Variants in NFIB observed in about 807,000 individuals in gnomAD.
NFIB encodes the protein nuclear factor I B, also known as nuclear factor 1 B-type.
A neutral mutation model predicts 61.5 loss-of-function variants in NFIB; 11 were observed. The ratio of observed to expected loss-of-function variants is 0.18; its 90% CI spans 0.11 to 0.30. The LOEUF (loss-of-function observed/expected upper bound fraction) is 0.30, where lower values mean the gene tolerates loss of function less well. Ranked by LOEUF, NFIB falls within the 10% of genes least tolerant of loss-of-function variation. The pLI, the probability that NFIB is intolerant of heterozygous loss-of-function variation, is 1.00. For synonymous variants in NFIB, 260 were observed against 216.5 expected (o/e 1.20, Z -1.76); for missense variants, 471 against 608.9 (o/e 0.77, Z 2.38).
At chr9:14,116,747 A>G (rs2038207142) in intron 8 of NFIB, among the ~76,000 whole-genome samples, 1 of 152,262 alleles carries the variant, frequency 6.6e-6, no homozygotes, top group African/African-American at 2.4e-5. Context: ...TTCATTTTCT[A>G]TAATGAGTCA....
intron 6 of NFIB, among the ~76,000 whole-genome samples, chr9:14,130,255 CT>C (rs781049183): frequency 6.6e-5 from 10 of 152,126 alleles, no homozygotes; most frequent in Non-Finnish European, 1.2e-4. Context: ...TTAAATAGCT[CT>C]TTTTCTTTGT....
chr9:14,204,239 C>G, intron 2 of NFIB: 1 of 587,442 alleles, frequency 1.7e-6, no homozygotes, highest in Non-Finnish European at 3.0e-6. Context: ...CCGCCGTCCA[C>G]TGCCCAAGAT....
intron 1 of NFIB, among the ~76,000 whole-genome samples, chr9:14,392,139 G>C (rs1235025840): frequency 6.6e-6 from 1 of 152,136 alleles, no homozygotes; most frequent in Non-Finnish European, 1.5e-5. Context: ...AACAAGGAAA[G>C]TCTGAGAAAC....
At chr9:14,398,788 A>G in exon 1 of NFIB, 1 of 564,554 alleles carries the variant, frequency 1.8e-6, no homozygotes, top group South Asian at 2.3e-5. Flanking sequence ...TGACTGATGG[A>G]TCTTTATGGA....
chr9:14,428,853 T>C, the NFIB span, among the ~76,000 whole-genome samples: 1 of 152,086 alleles, frequency 6.6e-6, no homozygotes, highest in Non-Finnish European at 1.5e-5. Flanking sequence ...TCTGGTAAGA[T>C]TAGGATACTG....
At chr9:14,314,302 C>G, upstream of NFIB, 1 of 306,788 alleles carries the variant, frequency 3.3e-6, no homozygotes, top group Non-Finnish European at 4.8e-6. Context: ...CGCCGCCGCC[C>G]GCGCCGGGTC....
the NFIB span, among the ~76,000 whole-genome samples, chr9:14,420,607 C>T: frequency 1.3e-5 from 2 of 151,982 alleles, no homozygotes; most frequent in African/African-American, 4.8e-5. Flanking sequence ...ATTGCATGAC[C>T]TCTTCATGGC....
intron 2 of NFIB, among the ~76,000 whole-genome samples, chr9:14,268,120 CAAAA>C (rs60610470): frequency 7.4e-6 from 1 of 134,682 alleles, no homozygotes. Context: ...GATTCCATCT[CAAAA>C]AAAAAAAAAA....
chr9:14,189,041 T>C (rs2131536426), intron 2 of NFIB, among the ~76,000 whole-genome samples: 1 of 152,224 alleles, frequency 6.6e-6, no homozygotes, highest in Non-Finnish European at 1.5e-5. Context: ...CATAGAAAAA[T>C]AAGTGCTGTT....
chr9:14,100,880 C>T (rs1245888245), intron 10 of NFIB, among the ~76,000 whole-genome samples: 4 of 152,130 alleles, frequency 2.6e-5, no homozygotes, highest in Non-Finnish European at 5.9e-5. Context: ...CATGAGTACA[C>T]GTCATCTGGT....
At position 14,305,557 on chromosome 9, in the gene NFIB, T is replaced by C. The variant is rs182079546; in HGVS notation, c.562+1432A>G. On this transcript the variant is annotated intron_variant, in intron 2 of 10. Transcript: ENST00000380953. ...ATTTGGACTGTAATTCTTAAATGCA[T>C]GGAAATATTAAATGCAATGTTTCAT... Among the ~76,000 whole-genome samples the C allele has an allele frequency of 5.4e-4, 83 of 152,326 alleles. No homozygotes were observed. In the East Asian group the frequency reaches 0.015, roughly 28 times the overall value.
chr9:14,295,905 T>C (rs1046222580), intron 2 of NFIB, among the ~76,000 whole-genome samples: 5 of 152,186 alleles, frequency 3.3e-5, no homozygotes, highest in African/African-American at 7.2e-5. Context: ...TATACCTAGA[T>C]TGATCAATAA....
At chr9:14,351,338 G>A (rs771164430) in intron 1 of NFIB, among the ~76,000 whole-genome samples, 1 of 152,164 alleles carries the variant, frequency 6.6e-6, no homozygotes, top group Admixed American at 6.5e-5. Context: ...TGCCTAGGGA[G>A]GCCTGGTCTC....
At chr9:14,289,100 G>GTGTGTGTA (rs1254938239) in intron 2 of NFIB, among the ~76,000 whole-genome samples, 1 of 147,152 alleles carries the variant, frequency 6.8e-6, no homozygotes, top group African/African-American at 2.5e-5. Flanking sequence ...GTGTGTGTGT[G>GTGTGTGTA]TGTGTATGTG....
In NFIB at chr9:14,387,947, C is replaced by T. The variant is rs1251097069; in HGVS notation, c.108+10577G>A. 2.6e-5 allele frequency among the ~76,000 whole-genome samples: 4 copies of T among 151,864 alleles called. No homozygotes were observed. In the East Asian group the frequency reaches 7.7e-4, roughly 29 times the overall value. Reference sequence around the variant, plus strand: ...GGGGCTGTGGTCACCTCAGGTCCCACTTCTTCTACCCAACTGTGAGGCACT... The same window carrying T: ...GGGGCTGTGGTCACCTCAGGTCCCATTTCTTCTACCCAACTGTGAGGCACT... On this transcript the variant is annotated intron_variant, in intron 1 of 8. Transcript: ENST00000380934.
intron 1 of NFIB, among the ~76,000 whole-genome samples, chr9:14,387,306 T>C (rs1053518592): frequency 1.3e-5 from 2 of 152,204 alleles, no homozygotes; most frequent in South Asian, 2.1e-4. Context: ...GCAAGCACGG[T>C]GACATCATTT....
intron 2 of NFIB, among the ~76,000 whole-genome samples, chr9:14,237,802 GTGTGTGTGTGTGTA>G (rs2053914064): frequency 7.5e-6 from 1 of 133,136 alleles, no homozygotes; most frequent in African/African-American, 3.1e-5. Flanking sequence ...GTGTGTGTGT[GTGTGTGTGTGTGTA>G]AGCTCCTCAC....
chr9:14,466,406 G>C, the NFIB span, among the ~76,000 whole-genome samples: 1 of 152,152 alleles, frequency 6.6e-6, no homozygotes, highest in Non-Finnish European at 1.5e-5. Context: ...CACTGGGGGT[G>C]TGCAGATGGA....
chr9:14,146,469 T>TA (rs765802672), intron 6 of NFIB, among the ~76,000 whole-genome samples: 2 of 151,920 alleles, frequency 1.3e-5, no homozygotes, highest in Admixed American at 6.6e-5. Flanking sequence ...TCATTTTGTC[T>TA]AAAAAAAACT....
Sources: allele counts gnomAD v4.1 joint callset (sites outside exome capture counted in the v4.1 genomes callset), GRCh38; gene constraint gnomAD v4.1.1; transcripts MANE v1.5; gene names NCBI Gene and HGNC (gene_info 2026-07-23, HGNC 2026-07-21).